The following SPOCK3 variants were observed in gnomAD, a reference collection of about 807,000 sequenced individuals.
SPOCK3 encodes testican-3.
SPOCK3 carries 30 observed loss-of-function variants against 56.6 expected under a neutral mutation model. The ratio of observed to expected loss-of-function variants is 0.53; its 90% confidence interval spans 0.40 to 0.72. SPOCK3 has a LOEUF of 0.72. SPOCK3 is among the 30% of genes least tolerant of loss of function. The probability of loss-of-function intolerance (pLI) is 0.00; values close to 1 mark genes in which losing one functional copy is unlikely to be tolerated. For synonymous variants in SPOCK3, 196 were observed against 183.3 expected, an observed-to-expected ratio of 1.07 and a Z score of -0.56; for missense variants, 527 against 530.0, an observed-to-expected ratio of 0.99 and a Z score of 0.06.
intron 2 of SPOCK3, among the ~76,000 whole-genome samples, chr4:167,153,237 T>G (rs1302347176): frequency 6.6e-6 from 1 of 152,156 alleles, no homozygotes; most frequent in African/African-American, 2.4e-5. Flanking sequence ...TTGCCCTCCA[T>G]GAGGCTATCT....
At chr4:166,902,053 C>T (rs2127059119) in intron 5 of SPOCK3, among the ~76,000 whole-genome samples, 1 of 152,250 alleles carries the variant, frequency 6.6e-6, no homozygotes, top group Admixed American at 6.5e-5. Context: ...ATCAGAGGCA[C>T]TGACAGCTTT....
intron 2 of SPOCK3, among the ~76,000 whole-genome samples, chr4:167,171,068 C>T (rs1730456275): frequency 6.6e-6 from 1 of 152,034 alleles, no homozygotes; most frequent in African/African-American, 2.4e-5. Context: ...TTCGCCTTAC[C>T]TATATTAAGA....
intron 7 of SPOCK3, among the ~76,000 whole-genome samples, chr4:166,765,548 C>T (rs1015776947): frequency 1.2e-4 from 19 of 152,078 alleles, no homozygotes; most frequent in African/African-American, 4.3e-4. Context: ...TGGTCTATAT[C>T]TCTGTTTTGG....
intron 2 of SPOCK3, among the ~76,000 whole-genome samples, chr4:167,122,421 T>C (rs1474608588): frequency 2.0e-5 from 3 of 152,194 alleles, no homozygotes; most frequent in African/African-American, 7.2e-5. Context: ...TTAATAATTT[T>C]CAATTGTACA....
chr4:167,196,483 T>A (rs1732962633), intron 2 of SPOCK3, among the ~76,000 whole-genome samples: 1 of 152,142 alleles, frequency 6.6e-6, no homozygotes, highest in Non-Finnish European at 1.5e-5. Flanking sequence ...GTAATCAAGG[T>A]GTCAACCAGC....
intron 4 of SPOCK3, among the ~76,000 whole-genome samples, chr4:166,984,328 A>G (rs1224000817): frequency 1.1e-4 from 16 of 152,126 alleles, no homozygotes; most frequent in Admixed American, 9.8e-4. Context: ...AGGATATAAA[A>G]CATCGAAAAC....
chr4:167,064,377 A>C (rs1417686172), intron 2 of SPOCK3, among the ~76,000 whole-genome samples: 1 of 151,894 alleles, frequency 6.6e-6, no homozygotes, highest in Non-Finnish European at 1.5e-5. Context: ...TGGATAATTA[A>C]TAAACACTGA....
At chr4:167,074,021 A>C (rs980212143) in intron 2 of SPOCK3, among the ~76,000 whole-genome samples, 1 of 151,764 alleles carries the variant, frequency 6.6e-6, no homozygotes, top group African/African-American at 2.4e-5. Flanking sequence ...TCAAAACACT[A>C]AAATAATACT....
At chr4:166,839,518 T>C (rs1747008231) in intron 6 of SPOCK3, among the ~76,000 whole-genome samples, 3 of 152,100 alleles carry the variant, frequency 2.0e-5, no homozygotes, top group Admixed American at 2.0e-4. Flanking sequence ...AGGCAGACCA[T>C]GGCCAGCCCA....
intron 4 of SPOCK3, among the ~76,000 whole-genome samples, chr4:166,951,967 G>A (rs1174656456): frequency 6.6e-6 from 1 of 152,072 alleles, no homozygotes; most frequent in African/African-American, 2.4e-5. Flanking sequence ...CAAACCCACA[G>A]CCAATATCAT....
chr4:167,126,919 C>A (rs1762330533), intron 2 of SPOCK3, among the ~76,000 whole-genome samples: 1 of 152,030 alleles, frequency 6.6e-6, no homozygotes, highest in Admixed American at 6.6e-5. Context: ...AAAACAAAAC[C>A]AAAGAAACCT....
chr4:167,105,337 T>C (rs1195234157), intron 2 of SPOCK3, among the ~76,000 whole-genome samples: 1 of 151,746 alleles, frequency 6.6e-6, no homozygotes. Context: ...ATTAGTTTTC[T>C]GTTTGGTTGT....
At chr4:167,110,464 A>G (rs984805651) in intron 2 of SPOCK3, among the ~76,000 whole-genome samples, 2 of 152,080 alleles carry the variant, frequency 1.3e-5, no homozygotes, top group Non-Finnish European at 2.9e-5. Flanking sequence ...CCTCTTATCT[A>G]TATGATTCCT....
chr4:166,998,253 C>G (rs1030137888), intron 4 of SPOCK3, among the ~76,000 whole-genome samples: 2 of 152,106 alleles, frequency 1.3e-5, no homozygotes, highest in African/African-American at 4.8e-5. Context: ...TTACATAAAA[C>G]ATTTTGAAAT....
intron 4 of SPOCK3, among the ~76,000 whole-genome samples, chr4:166,954,960 C>T (rs910635637): frequency 6.6e-6 from 1 of 152,092 alleles, no homozygotes; most frequent in East Asian, 1.9e-4. Flanking sequence ...CTTTCTGAGA[C>T]TCATCATTGT....
chr4:166,841,338 G>T (rs530260552), intron 6 of SPOCK3, among the ~76,000 whole-genome samples: 1 of 152,026 alleles, frequency 6.6e-6, no homozygotes, highest in African/African-American at 2.4e-5. Flanking sequence ...CACAGAATAA[G>T]AATAATAAGT....
At chr4:166,876,835 G>A (rs1169854884) in intron 6 of SPOCK3, among the ~76,000 whole-genome samples, 1 of 152,094 alleles carries the variant, frequency 6.6e-6, no homozygotes, top group African/African-American at 2.4e-5. Flanking sequence ...AAAATTAAGG[G>A]TGCTGGTGAC....
chr4:166,930,480 A>T (rs1395021196), intron 4 of SPOCK3, among the ~76,000 whole-genome samples: 1 of 128,162 alleles, frequency 7.8e-6, no homozygotes, highest in East Asian at 3.6e-4. Context: ...TCAGTATTCT[A>T]CCCTTGTTAA....
intron 9 of SPOCK3, among the ~76,000 whole-genome samples, chr4:166,741,677 G>T (rs753663577): frequency 5.9e-5 from 9 of 152,028 alleles, no homozygotes; most frequent in African/African-American, 9.7e-5. Context: ...ATATATATTT[G>T]CCATCAATTC....
Sources: allele counts gnomAD v4.1 joint callset (sites outside exome capture counted in the v4.1 genomes callset), GRCh38; gene constraint gnomAD v4.1.1; transcripts MANE v1.5; gene names NCBI Gene and HGNC (gene_info 2026-07-23, HGNC 2026-07-21).